Variants in EXOC4 observed in about 807,000 individuals in gnomAD.
EXOC4 encodes the protein exocyst complex component 4.
A neutral mutation model predicts 107.2 loss-of-function variants in EXOC4; 71 were observed. The ratio of observed to expected loss-of-function variants is 0.66; its 90% CI spans 0.55 to 0.81. The LOEUF (loss-of-function observed/expected upper bound fraction) is 0.81, where lower values mean the gene tolerates loss of function less well. EXOC4 is among the 30% of genes least tolerant of loss of function. EXOC4 has a pLI of 0.00. For missense variants in EXOC4, 1,108 were observed against 1,189.6 expected (o/e 0.93, Z 1.01); for synonymous variants, 456 against 441.2 (o/e 1.03, Z -0.42).
chr7:133,652,988 G>A (rs1215664968), intron 10 of EXOC4, among the ~76,000 whole-genome samples: 2 of 152,246 alleles, frequency 1.3e-5, no homozygotes, highest in East Asian at 3.9e-4. Context: ...AACTATCAGT[G>A]ACCTATTTTG....
At chr7:133,405,978 G>A (rs369219257) in intron 7 of EXOC4, among the ~76,000 whole-genome samples, 3 of 151,984 alleles carry the variant, frequency 2.0e-5, no homozygotes, top group East Asian at 1.9e-4. Context: ...TTAGGTGCTG[G>A]GATTATAAGC....
At chr7:133,416,794 C>G (rs1158838407) in intron 7 of EXOC4, among the ~76,000 whole-genome samples, 2 of 152,126 alleles carry the variant, frequency 1.3e-5, no homozygotes, top group East Asian at 3.9e-4. Context: ...ATGAATGACT[C>G]TCTGCTTGCA....
intron 10 of EXOC4, among the ~76,000 whole-genome samples, chr7:133,725,146 A>G (rs1481516098): frequency 1.3e-5 from 2 of 152,204 alleles, no homozygotes; most frequent in Non-Finnish European, 2.9e-5. Flanking sequence ...GCACCTGAGG[A>G]ACTGAATTTT....
intron 11 of EXOC4, among the ~76,000 whole-genome samples, chr7:133,867,994 G>A (rs955596899): frequency 6.6e-6 from 1 of 152,174 alleles, no homozygotes; most frequent in Non-Finnish European, 1.5e-5. Flanking sequence ...GCAAATGATT[G>A]CCAAGAACAC....
chr7:133,437,557 G>A (rs920022500), intron 7 of EXOC4, among the ~76,000 whole-genome samples: 2 of 152,180 alleles, frequency 1.3e-5, no homozygotes, highest in Non-Finnish European at 2.9e-5. Flanking sequence ...AAAATTTTCC[G>A]TAATATTTCT....
intron 7 of EXOC4, among the ~76,000 whole-genome samples, chr7:133,414,295 A>G (rs1797425485): frequency 6.6e-6 from 1 of 152,186 alleles, no homozygotes; most frequent in Admixed American, 6.5e-5. Flanking sequence ...TTGATTGACA[A>G]TACCTAATAA....
intron 5 of EXOC4, among the ~76,000 whole-genome samples, chr7:133,355,226 T>C (rs575223908): frequency 6.6e-6 from 1 of 151,470 alleles, no homozygotes; most frequent in South Asian, 2.1e-4. Flanking sequence ...GTATTCATTC[T>C]TTCAGGATAT....
intron 10 of EXOC4, among the ~76,000 whole-genome samples, chr7:133,788,348 T>C (rs1796631696): frequency 6.6e-6 from 1 of 152,000 alleles, no homozygotes. Context: ...AGATGTCTAA[T>C]CAGTATCTTA....
intron 9 of EXOC4, among the ~76,000 whole-genome samples, chr7:133,499,716 A>G (rs1799541659): frequency 1.3e-5 from 2 of 152,070 alleles, no homozygotes; most frequent in Non-Finnish European, 2.9e-5. Flanking sequence ...TGTAAGCTTT[A>G]GCACCATCCC....
intron 7 of EXOC4, among the ~76,000 whole-genome samples, chr7:133,395,684 A>G (rs1796956108): frequency 6.6e-6 from 1 of 152,112 alleles, no homozygotes; most frequent in Non-Finnish European, 1.5e-5. Flanking sequence ...TATAAAACAC[A>G]CACACACACT....
At chr7:134,044,897 C>A (rs1394293217) in intron 17 of EXOC4, among the ~76,000 whole-genome samples, 1 of 152,188 alleles carries the variant, frequency 6.6e-6, no homozygotes, top group Non-Finnish European at 1.5e-5. Context: ...TTTCTCACAG[C>A]CTAACTCAGC....
At chr7:133,876,053 T>C (rs1057309899) in intron 11 of EXOC4, among the ~76,000 whole-genome samples, 2 of 152,216 alleles carry the variant, frequency 1.3e-5, no homozygotes, top group Non-Finnish European at 2.9e-5. Context: ...ATTGGATGGA[T>C]TCACAGATAG....
chr7:133,432,999 C>T (rs534269423), intron 7 of EXOC4, among the ~76,000 whole-genome samples: 2 of 152,280 alleles, frequency 1.3e-5, no homozygotes, highest in Non-Finnish European at 2.9e-5. Flanking sequence ...TAATCATGTC[C>T]GTTTATACGA....
Position 133,768,163 on chromosome 7 carries a change from C to T in EXOC4, c.1515-49162C>T, listed in dbSNP as rs1190203452. 4.6e-5 allele frequency: 7 copies of T among 152,002 alleles called. No individual in the cohort carries two copies. The East Asian group carries it at 1.2e-3, about 25-fold the overall frequency. The allele number at this position is 152,002 out of a possible 1,614,324, so 9.4% of individuals were successfully genotyped here. A position where few individuals can be genotyped will look rare whatever the true frequency, so the allele number is the denominator to read the frequency against. On this transcript the variant is annotated intron_variant, in intron 10 of 17. Transcript: ENST00000253861. ...ACTAAGAAACCCTGGTAGGAAACAA[C>T]AAACATATTGCTTATCACATTTATC...
At chr7:133,975,852 G>A (rs1192898432) in intron 14 of EXOC4, among the ~76,000 whole-genome samples, 2 of 151,966 alleles carry the variant, frequency 1.3e-5, no homozygotes, top group Non-Finnish European at 2.9e-5. Context: ...CACAGGTAGA[G>A]TAAAATAACT....
intron 9 of EXOC4, among the ~76,000 whole-genome samples, chr7:133,544,326 C>T (rs1234718692): frequency 2.6e-5 from 4 of 151,948 alleles, no homozygotes; most frequent in Non-Finnish European, 2.9e-5. Context: ...TTTTAGTTGC[C>T]TAATCATTTA....
intron 17 of EXOC4, among the ~76,000 whole-genome samples, chr7:134,024,893 C>G (rs920661432): frequency 3.3e-5 from 5 of 152,228 alleles, no homozygotes; most frequent in Non-Finnish European, 7.3e-5. Context: ...TGGCCAACAT[C>G]CACTTCTGCT....
chr7:133,525,251 C>G (rs994714798), intron 9 of EXOC4, among the ~76,000 whole-genome samples: 1 of 152,106 alleles, frequency 6.6e-6, no homozygotes, highest in African/African-American at 2.4e-5. Flanking sequence ...TTAGAATAGC[C>G]ACTGCTGGTA....
rs144574934 is a variant in EXOC4, at chr7:133,970,543, G to A, written c.2207-26949G>A. ...GTGGAAAAAGCATAGTATCTGGGCC[G>A]GAATTCACTATACCTCACAGCACAG... On this transcript the variant is annotated intron_variant, in intron 14 of 17. Coordinates refer to ENST00000253861, the MANE Select transcript of EXOC4 (RefSeq NM_021807.4). 1.4e-3 allele frequency among the ~76,000 whole-genome samples: 214 copies of A among 152,174 alleles called. 1 individual carries two copies. Among genetic ancestry groups the A allele is most frequent in the African/African-American group, 4.7e-3 (194 of 41,552 alleles).
Sources: allele counts gnomAD v4.1 joint callset (sites outside exome capture counted in the v4.1 genomes callset), GRCh38; gene constraint gnomAD v4.1.1; transcripts MANE v1.5; gene names NCBI Gene and HGNC (gene_info 2026-07-23, HGNC 2026-07-21).